SLC4A1AP: variants seen among roughly 807,000 people sequenced by gnomAD.
The protein encoded by SLC4A1AP is solute carrier family 4 member 1 adaptor protein, also known as kanadaptin.
In SLC4A1AP, 64 loss-of-function variants were observed where a neutral mutation model predicts 89.7. The observed-to-expected ratio is 0.71, with a 90% confidence interval of 0.58 to 0.88. The LOEUF is 0.88. Ranked by LOEUF, SLC4A1AP falls within the 40% of genes least tolerant of loss-of-function variation. The probability of loss-of-function intolerance (pLI) is 0.00; values close to 1 mark genes in which losing one functional copy is unlikely to be tolerated. For missense variants in SLC4A1AP, 931 were observed against 965.0 expected (o/e 0.96, Z 0.47); for synonymous variants, 366 against 353.3 (o/e 1.04, Z -0.40).
In SLC4A1AP at chr2:27,688,992, ATCTT is replaced by A. The variant is rs529964750; in HGVS notation, c.2271+231_2271+234del. 1.3e-3 allele frequency among the ~76,000 whole-genome samples: 202 copies of A among 152,262 alleles called. 2 individuals are homozygous for A. The highest frequency in any genetic ancestry group is 4.5e-3 in the African/African-American group (189 of 41,568). ...AGCTATCTCTTTTATTAGTTTATGA[ATCTT>A]TCTTTATATCCTAATTTGCCATATA... On this transcript the variant is annotated intron_variant, in intron 12 of 13. Transcript: ENST00000613058.
At chr2:27,679,605 AAAAT>A (rs1416819958) in intron 8 of SLC4A1AP, among the ~76,000 whole-genome samples, 1 of 152,216 alleles carries the variant, frequency 6.6e-6, no homozygotes, top group Admixed American at 6.5e-5. Flanking sequence ...CCATCTCAAA[AAAAT>A]AAATAAATTA....
At chr2:27,674,951 C>T (rs990685743) in intron 5 of SLC4A1AP, among the ~76,000 whole-genome samples, 1 of 152,086 alleles carries the variant, frequency 6.6e-6, no homozygotes, top group Admixed American at 6.5e-5. Flanking sequence ...CGATCCATCC[C>T]CCTTCAGCCT....
intron 3 of SLC4A1AP, among the ~76,000 whole-genome samples, chr2:27,668,254 T>G (rs1675365631): frequency 6.6e-6 from 1 of 152,064 alleles, no homozygotes; most frequent in Admixed American, 6.5e-5. Flanking sequence ...ATTCACGCCA[T>G]TCTCCTGCGT....
At chr2:27,676,051 T>G (rs75380705) in intron 6 of SLC4A1AP, among the ~76,000 whole-genome samples, 3,899 of 152,286 alleles carry the variant, frequency 0.026, 152 homozygotes, top group African/African-American at 0.09. Flanking sequence ...CAAAGGAATT[T>G]TGAAGAATGT....
At chr2:27,690,329 C>T (rs764816477) in intron 12 of SLC4A1AP, among the ~76,000 whole-genome samples, 2 of 152,024 alleles carry the variant, frequency 1.3e-5, no homozygotes, top group African/African-American at 2.4e-5. Context: ...TCTGAGTCTC[C>T]AAAGTCCATC....
At chr2:27,667,919 T>A (rs1675360364) in intron 3 of SLC4A1AP, among the ~76,000 whole-genome samples, 1 of 151,966 alleles carries the variant, frequency 6.6e-6, no homozygotes, top group African/African-American at 2.4e-5. Flanking sequence ...TTAATATCTG[T>A]GCTTCTAAAA....
chr2:27,673,739 T>A (rs911816844), intron 5 of SLC4A1AP, among the ~76,000 whole-genome samples: 4 of 151,984 alleles, frequency 2.6e-5, no homozygotes, highest in African/African-American at 9.7e-5. Context: ...GGAAATTAGA[T>A]ATGTGTGTTT....
At chr2:27,686,474 A>G (rs937855180) in intron 10 of SLC4A1AP, among the ~76,000 whole-genome samples, 1 of 152,234 alleles carries the variant, frequency 6.6e-6, no homozygotes, top group African/African-American at 2.4e-5. Flanking sequence ...TTAAATAATT[A>G]GTAAATTTGG....
chr2:27,682,473 G>A, intron 9 of SLC4A1AP, 114 bp downstream of exon 9: 1 of 626,312 alleles, frequency 1.6e-6, no homozygotes, highest in East Asian at 2.9e-5. Flanking sequence ...TGTGAGAAAG[G>A]GCTGTGGGCT....
At chr2:27,664,357 A>G in exon 1 of SLC4A1AP, 2 of 1,614,140 alleles carry the variant, frequency 1.2e-6, no homozygotes, top group Non-Finnish European at 1.7e-6. Flanking sequence ...GTGTGCCTGG[A>G]GCACCCTTCG....
At position 27,668,943 on chromosome 2, in the gene SLC4A1AP, G is replaced by C. The variant is rs1410142099; in HGVS notation, c.1205+40G>C. The stretch of plus-strand genomic sequence containing the variant: ...TATTAATGTTCTTTTCTGGAAAATG[G>C]CCAATTTCAGGTTTAATGTATGGTT... On this transcript the variant is annotated intron_variant, in intron 4 of 13. Coordinates refer to ENST00000613058, the Ensembl canonical transcript of SLC4A1AP. 1.9e-6 allele frequency: 3 copies of C among 1,570,560 alleles called. No individual in the cohort carries two copies. The Admixed American group carries it at 5.1e-5, about 26-fold the overall frequency.
At chr2:27,684,099 C>T (rs1368005803) in intron 9 of SLC4A1AP, among the ~76,000 whole-genome samples, 3 of 152,028 alleles carry the variant, frequency 2.0e-5, no homozygotes, top group East Asian at 1.9e-4. Context: ...AAACAGCCCT[C>T]CTTAGAGAAT....
intron 5 of SLC4A1AP, among the ~76,000 whole-genome samples, chr2:27,671,319 A>T (rs1463697464): frequency 6.6e-6 from 1 of 152,176 alleles, no homozygotes; most frequent in African/African-American, 2.4e-5. Context: ...AGTATTTAGT[A>T]TTTACGTGAT....
intron 5 of SLC4A1AP, among the ~76,000 whole-genome samples, chr2:27,673,991 TGTGTGTG>T (rs1008740712): frequency 8.2e-3 from 23 of 2,796 alleles, no homozygotes; most frequent in Middle Eastern, 0.14. Context: ...ATATACAAGT[TGTGTGTG>T]TGTGTGTGTG....
chr2:27,682,132 T>C, intron 8 of SLC4A1AP, 116 bp from the exon 9 acceptor site: 1 of 647,148 alleles, frequency 1.5e-6, no homozygotes, highest in Non-Finnish European at 2.7e-6. Context: ...TGCTTAGATA[T>C]TCATTTTGTG....
intron 6 of SLC4A1AP, 115 bp downstream of exon 6, chr2:27,675,807 A>G: frequency 4.8e-6 from 3 of 631,416 alleles, no homozygotes; most frequent in Non-Finnish European, 7.1e-6. Flanking sequence ...TTGAAATCTG[A>G]TACTGAAGTA....
At chr2:27,686,740 C>G (rs959136004) in intron 10 of SLC4A1AP, among the ~76,000 whole-genome samples, 2 of 152,174 alleles carry the variant, frequency 1.3e-5, no homozygotes, top group African/African-American at 4.8e-5. Context: ...TGCCACTGCT[C>G]TCCAGCCTGG....
At chr2:27,677,324 A>G in exon 7 of SLC4A1AP, 2 of 1,613,564 alleles carry the variant, frequency 1.2e-6, no homozygotes, top group Non-Finnish European at 1.7e-6. Context: ...CTGAAAGGGA[A>G]CTTTCTGAAA....
intron 5 of SLC4A1AP, among the ~76,000 whole-genome samples, chr2:27,674,059 A>G (rs562079428): frequency 1.3e-5 from 2 of 151,598 alleles, no homozygotes; most frequent in African/African-American, 4.8e-5. Context: ...TCACGAGTGC[A>G]TTTTTAAACT....
Sources: allele counts gnomAD v4.1 joint callset (sites outside exome capture counted in the v4.1 genomes callset), GRCh38; gene constraint gnomAD v4.1.1; transcripts MANE v1.5; gene names NCBI Gene and HGNC (gene_info 2026-07-23, HGNC 2026-07-21).